The following SOAT1 variants were observed in gnomAD, a reference collection of about 807,000 sequenced individuals.
SOAT1 encodes the protein sterol O-acyltransferase 1.
Under a neutral mutation model 69.5 loss-of-function variants are expected in SOAT1, and 55 were observed. That is an observed-to-expected ratio of 0.79 (90% CI 0.64 to 0.99). The LOEUF is 0.99. SOAT1 is among the 50% of genes least tolerant of loss of function. The pLI is 0.00. For synonymous variants in SOAT1, 231 were observed against 224.7 expected (o/e 1.03, Z -0.25); for missense variants, 580 against 669.3 (o/e 0.87, Z 1.47).
At chr1:179,351,129 T>C (rs1170872236) in intron 14 of SOAT1, among the ~76,000 whole-genome samples, 188 bp from the exon 15 acceptor site, 1 of 149,764 alleles carries the variant, frequency 6.7e-6, no homozygotes, top group Non-Finnish European at 1.5e-5. Context: ...CTGCAACCTC[T>C]GCCTCCCTGC....
chr1:179,300,643 G>T (rs1038988320), intron 1 of SOAT1, among the ~76,000 whole-genome samples: 1 of 151,962 alleles, frequency 6.6e-6, no homozygotes, highest in Non-Finnish European at 1.5e-5. Flanking sequence ...ATACAGAAAA[G>T]GATATTTTAG....
chr1:179,336,389 G>T (rs1049206110), intron 4 of SOAT1, among the ~76,000 whole-genome samples: 1 of 147,342 alleles, frequency 6.8e-6, no homozygotes, highest in Non-Finnish European at 1.5e-5. Flanking sequence ...CATGAGAATC[G>T]CTTGAACCTG....
Position 179,335,570 on chromosome 1 carries a change from T to C in SOAT1, c.242T>C (p.Ile81Thr), listed in dbSNP as rs1304216856. 1 of 1,613,854 alleles carries C rather than the reference T, an allele frequency of 6.2e-7. No individual in the cohort carries two copies. Among genetic ancestry groups the C allele is most frequent in the Middle Eastern group, 1.6e-4 (1 of 6,062 alleles). Residue 81 changes from isoleucine to threonine, a missense_variant, in exon 4 of 16, where the codon ATT becomes ACT. Ile to Thr is a moderately conservative substitution (Grantham distance 89, BLOSUM62 -1). Transcript: ENST00000367619. ...SHFDDFVTNLIEKSASLDNGG... is the reference protein window; with the variant it reads ...SHFDDFVTNLTEKSASLDNGG... Reference sequence around the variant, plus strand: ...TTTGATGATTTTGTGACCAATCTCATTGAAAAGTCAGCATCATTAGATAAT... The same window carrying C: ...TTTGATGATTTTGTGACCAATCTCACTGAAAAGTCAGCATCATTAGATAAT...
intron 1 of SOAT1, 46 bp from the exon 2 acceptor site, chr1:179,302,631 T>C (rs1664870345): frequency 8.4e-7 from 1 of 1,187,942 alleles, no homozygotes; most frequent in Admixed American, 2.2e-5. Flanking sequence ...TGTATAGCAG[T>C]GTGAAAACGG....
intron 3 of SOAT1, among the ~76,000 whole-genome samples, chr1:179,331,361 GT>G (rs1261361591): frequency 6.6e-6 from 1 of 151,996 alleles, no homozygotes; most frequent in Non-Finnish European, 1.5e-5. Context: ...TAAAGAAGTT[GT>G]GTTTTCTGTT....
chr1:179,328,880 C>CA (rs1342678435), intron 3 of SOAT1, among the ~76,000 whole-genome samples: 1 of 151,406 alleles, frequency 6.6e-6, no homozygotes, highest in South Asian at 2.1e-4. Flanking sequence ...CCTGTGTCTA[C>CA]AAAAAATACA....
intron 1 of SOAT1, among the ~76,000 whole-genome samples, chr1:179,296,956 A>G (rs1664670633): frequency 6.6e-6 from 1 of 152,168 alleles, no homozygotes; most frequent in East Asian, 1.9e-4. Flanking sequence ...GATTCTTAAG[A>G]AATTCTTTTT....
intron 1 of SOAT1, among the ~76,000 whole-genome samples, chr1:179,301,804 G>A (rs1446296249): frequency 1.3e-5 from 2 of 152,148 alleles, no homozygotes; most frequent in Admixed American, 6.5e-5. Context: ...TTCCCTGAAC[G>A]GGGCTTATAA....
At chr1:179,306,257 C>T (rs566349579) in intron 2 of SOAT1, among the ~76,000 whole-genome samples, 4 of 152,290 alleles carry the variant, frequency 2.6e-5, no homozygotes, top group South Asian at 4.2e-4. Context: ...ACTGCCCTGG[C>T]AGCTAGTGGG....
intron 3 of SOAT1, among the ~76,000 whole-genome samples, chr1:179,335,034 A>AAAAG (rs1558051725): frequency 1.1e-4 from 16 of 150,882 alleles, no homozygotes; most frequent in Admixed American, 2.0e-4. Context: ...AAAAAAAAAA[A>AAAAG]AAAGAAAGAA....
intron 4 of SOAT1, among the ~76,000 whole-genome samples, chr1:179,336,697 T>C (rs188715537): frequency 2.0e-5 from 3 of 152,230 alleles, no homozygotes; most frequent in African/African-American, 7.2e-5. Context: ...CTAGAGTCCT[T>C]GCTCTTAATC....
chr1:179,305,908 A>C (rs1441359902), intron 2 of SOAT1, among the ~76,000 whole-genome samples: 1 of 152,186 alleles, frequency 6.6e-6, no homozygotes, highest in African/African-American at 2.4e-5. Context: ...TATAAATAGG[A>C]GCTAAGTGAG....
In SOAT1 at chr1:179,344,352, G is replaced by GTTTTTTTTTTTTTTTTTTTTTTTT. The variant is rs762911049; in HGVS notation, c.988-595_988-594insTTTTTTTTTTTTTTTTTTTTTTTT. Among the ~76,000 whole-genome samples the GTTTTTTTTTTTTTTTTTTTTTTTT allele has an allele frequency of 1.7e-5, 2 of 120,524 alleles. 1 individual carries two copies. Among genetic ancestry groups the GTTTTTTTTTTTTTTTTTTTTTTTT allele is most frequent in the African/African-American group, 6.0e-5 (2 of 33,266 alleles). 79.1% of individuals were successfully genotyped at this position (120,524 alleles called of 152,430 possible). A position where few individuals can be genotyped will look rare whatever the true frequency, so the allele number is the denominator to read the frequency against. On this transcript the variant is annotated intron_variant, in intron 10 of 15. Coordinates refer to ENST00000367619, the MANE Select transcript of SOAT1 (RefSeq NM_003101.6). ...TATGAAGTAAGTTCTTTCATTAAGG[G>GTTTTTTTTTTTTTTTTTTTTTTTT]GTTTTTTTTTTTTTTTTTTTTTTTT...
At chr1:179,343,385 C>A (rs958743329) in intron 9 of SOAT1, among the ~76,000 whole-genome samples, 1 of 141,296 alleles carries the variant, frequency 7.1e-6, no homozygotes, top group Admixed American at 7.2e-5. Flanking sequence ...CCACCACGCC[C>A]GGTTGGTTTT....
intron 2 of SOAT1, among the ~76,000 whole-genome samples, chr1:179,313,167 C>T (rs1251246209): frequency 1.3e-5 from 2 of 152,192 alleles, no homozygotes; most frequent in Non-Finnish European, 2.9e-5. Context: ...AGTTGGCAAA[C>T]GTGGCCGTGT....
chr1:179,319,711 G>T (rs1665528403), intron 2 of SOAT1, among the ~76,000 whole-genome samples: 1 of 152,088 alleles, frequency 6.6e-6, no homozygotes, highest in East Asian at 1.9e-4. Context: ...CTGCTTCATA[G>T]GTTCAAGCGA....
chr1:179,328,442 A>G (rs1190297741), intron 3 of SOAT1, among the ~76,000 whole-genome samples: 1 of 152,262 alleles, frequency 6.6e-6, no homozygotes, highest in African/African-American at 2.4e-5. Flanking sequence ...TTTCAATATA[A>G]TAAAGTTCCC....
intron 5 of SOAT1, among the ~76,000 whole-genome samples, chr1:179,338,188 A>G (rs1666221282): frequency 1.3e-5 from 2 of 152,122 alleles, no homozygotes; most frequent in Non-Finnish European, 2.9e-5. Context: ...CAGGAGTTCA[A>G]GACCAGTTTG....
At chr1:179,333,660 C>G (rs1666046316) in intron 3 of SOAT1, among the ~76,000 whole-genome samples, 1 of 151,998 alleles carries the variant, frequency 6.6e-6, no homozygotes, top group Non-Finnish European at 1.5e-5. Context: ...ATGGAGAAAC[C>G]CCGTCTCTAC....
Sources: gnomAD v4.1 joint callset for allele counts (sites outside exome capture counted in the v4.1 genomes callset) on GRCh38, gnomAD v4.1.1 for gene constraint, MANE v1.5 for transcripts, NCBI Gene and HGNC (gene_info 2026-07-23, HGNC 2026-07-21) for gene names.